The following EDC3 variants were observed in gnomAD, a reference collection of about 807,000 sequenced individuals.
EDC3 encodes the protein enhancer of mRNA-decapping protein 3.
EDC3 carries 20 observed loss-of-function variants against 41.8 expected under a neutral mutation model. The observed-to-expected ratio is 0.48, with a 90% CI of 0.34 to 0.70. The LOEUF (loss-of-function observed/expected upper bound fraction) is 0.70, where lower values mean the gene tolerates loss of function less well. EDC3 is among the 30% of genes least tolerant of loss of function. The pLI, the probability that EDC3 is intolerant of heterozygous loss-of-function variation, is 0.01. For missense variants in EDC3, 444 were observed against 636.8 expected, an observed-to-expected ratio of 0.70 and a Z score of 3.26; for synonymous variants, 206 against 243.2, an observed-to-expected ratio of 0.85 and a Z score of 1.42.
At chr15:74,634,318 TC>T (rs1420885811) in intron 6 of EDC3, among the ~76,000 whole-genome samples, 1 of 152,190 alleles carries the variant, frequency 6.6e-6, no homozygotes, top group African/African-American at 2.4e-5. Context: ...ACCATTCCTG[TC>T]CCATCTCCTT....
intron 3 of EDC3, among the ~76,000 whole-genome samples, chr15:74,656,361 C>T (rs924292085): frequency 6.6e-6 from 1 of 151,106 alleles, no homozygotes; most frequent in South Asian, 2.1e-4. Flanking sequence ...GTGATGATCA[C>T]GACACTGCAC....
chr15:74,656,854 G>C (rs2062555477), intron 3 of EDC3, among the ~76,000 whole-genome samples: 1 of 152,164 alleles, frequency 6.6e-6, no homozygotes, highest in Non-Finnish European at 1.5e-5. Flanking sequence ...TGGAGACTAT[G>C]GCTGGATGTC....
In EDC3 at chr15:74,632,476, A is replaced by C. The variant is rs1258750859; in HGVS notation, c.*136T>G. On this transcript the variant is annotated 3_prime_UTR_variant, in exon 7 of 7. Coordinates refer to ENST00000315127, the MANE Select transcript of EDC3 (RefSeq NM_025083.5). The surrounding 1 kb of genome is among the most constrained non-coding windows in gnomAD (Gnocchi z 4.0). ...AGCAAGTGACAGGTCAGTTTTAAGT[A>C]AGTTCTGTTCTCTCACAGAAGAAAC... 2.8e-6 allele frequency: 3 copies of C among 1,059,576 alleles called. No homozygotes were observed. In the African/African-American group the frequency reaches 4.8e-5, roughly 17 times the overall value. The allele number at this position is 1,059,576 out of a possible 1,614,324, so 65.6% of individuals were successfully genotyped here.
intron 1 of EDC3, chr15:74,692,911 T>C (rs1454932061): frequency 6.6e-6 from 1 of 152,234 alleles, no homozygotes; most frequent in Admixed American, 6.6e-5. Flanking sequence ...GATGAAAAGT[T>C]TCAGGTGCCA....
chr15:74,652,812 T>G (rs2062497652), intron 4 of EDC3, among the ~76,000 whole-genome samples: 1 of 149,966 alleles, frequency 6.7e-6, no homozygotes, highest in Non-Finnish European at 1.5e-5. Flanking sequence ...ACTCCTGAGT[T>G]CAAGCAATCC....
rs1389504211 is a variant in EDC3, at chr15:74,635,610, C to T, written c.991G>A (p.Val331Ile). ...AGAGCCACTGTAGGCCTCTGGTGAA[C>T]ATTTTTGGGATTCAACCTGGAAAAG... ...GGPNRLNPKN[V>I]HQRPTVALLC... The change falls in exon 6 of 7, where the codon GTT becomes ATT. Residue 331 changes from valine (V) to isoleucine (I), a missense_variant. Transcript: ENST00000315127. 1 of 1,612,574 alleles carries T rather than the reference C, an allele frequency of 6.2e-7. No individual in the cohort carries two copies. The highest frequency in any genetic ancestry group is 1.1e-5 in the South Asian group (1 of 91,072).
chr15:74,656,529 A>G (rs1347765577), intron 3 of EDC3, among the ~76,000 whole-genome samples: 1 of 152,206 alleles, frequency 6.6e-6, no homozygotes, highest in Non-Finnish European at 1.5e-5. Flanking sequence ...TCCCCTTCAT[A>G]AGGAAACTGG....
chr15:74,686,426 G>A (rs2062938551), intron 1 of EDC3, among the ~76,000 whole-genome samples: 1 of 151,944 alleles, frequency 6.6e-6, no homozygotes, highest in South Asian at 2.1e-4. Flanking sequence ...GGCGAAGGTT[G>A]CAGTGAGCTG....
At position 74,682,270 on chromosome 15, in the gene EDC3, C is replaced by T. The variant is rs1247315288; in HGVS notation, c.-18-7128G>A. 3.9e-5 allele frequency among the ~76,000 whole-genome samples: 6 copies of T among 152,162 alleles called. No homozygotes were observed. The East Asian group carries it at 7.7e-4, about 20-fold the overall frequency. ...CTGGGAGGCGCAGGTTGCAGTGAGC[C>T]GTGATCCCACCACTGCACTCTAGCC... On this transcript the variant is annotated intron_variant, in intron 1 of 6. Coordinates refer to ENST00000315127, the MANE Select transcript of EDC3 (RefSeq NM_025083.5).
At chr15:74,635,305 C>T in intron 6 of EDC3, 104 bp downstream of exon 6, 1 of 1,064,090 alleles carries the variant, frequency 9.4e-7, no homozygotes, top group Non-Finnish European at 1.5e-6. Flanking sequence ...ACCATCCTTA[C>T]ACACGTAGTG....
intron 5 of EDC3, chr15:74,635,908 G>T: frequency 2.1e-6 from 1 of 474,136 alleles, no homozygotes; most frequent in Non-Finnish European, 3.9e-6. Flanking sequence ...CCGCTTTGCT[G>T]ACCCATGAAC....
chr15:74,672,247 C>T (rs1247553974), intron 2 of EDC3, among the ~76,000 whole-genome samples: 132 of 114,704 alleles, frequency 1.2e-3, no homozygotes, highest in African/African-American at 4.0e-3. Flanking sequence ...CCAGCCTGGG[C>T]GACAGAGCGA....
At chr15:74,642,787 G>C (rs1256580107) in intron 4 of EDC3, 1 of 152,206 alleles carries the variant, frequency 6.6e-6, no homozygotes, top group Non-Finnish European at 1.5e-5. Flanking sequence ...GGGCTCTCTG[G>C]GAGCAGGCAG....
chr15:74,680,368 C>T (rs140435344), intron 1 of EDC3, among the ~76,000 whole-genome samples: 6 of 151,608 alleles, frequency 4.0e-5, no homozygotes, highest in Non-Finnish European at 7.4e-5. Context: ...TGTAATCTAC[C>T]ATATTAACAG....
intron 5 of EDC3, chr15:74,639,405 C>T (rs1208705514): frequency 6.6e-6 from 1 of 152,082 alleles, no homozygotes; most frequent in Non-Finnish European, 1.5e-5. Flanking sequence ...ACATGCTACT[C>T]CCTGTACTTA....
chr15:74,635,863 C>G, intron 5 of EDC3: 2 of 558,650 alleles, frequency 3.6e-6, no homozygotes, highest in South Asian at 2.1e-5. Flanking sequence ...GTGGTTCACC[C>G]AGATCTTGCT....
chr15:74,680,856 T>C (rs1449465103), intron 1 of EDC3, among the ~76,000 whole-genome samples: 1 of 151,984 alleles, frequency 6.6e-6, no homozygotes, highest in Non-Finnish European at 1.5e-5. Context: ...GGCAATGAAA[T>C]TTAAAATACA....
At chr15:74,642,133 A>G (rs1448344055) in intron 4 of EDC3, 2 of 152,248 alleles carry the variant, frequency 1.3e-5, no homozygotes, top group East Asian at 1.9e-4. Flanking sequence ...AACCAAGCAC[A>G]AAGACTGAAA....
chr15:74,654,789 TA>T (rs938673628), intron 4 of EDC3, among the ~76,000 whole-genome samples: 8 of 150,036 alleles, frequency 5.3e-5, no homozygotes, highest in African/African-American at 1.7e-4. Context: ...CTATTATCTA[TA>T]AAAAAAAAGC....
Sources: gnomAD v4.1 joint callset for allele counts (sites outside exome capture counted in the v4.1 genomes callset) on GRCh38, gnomAD v4.1.1 for gene constraint, Gnocchi (gnomAD v3.1) non-coding constraint, MANE v1.5 for transcripts, NCBI Gene and HGNC (gene_info 2026-07-23, HGNC 2026-07-21) for gene names.